Variants in FYB1 observed in about 807,000 individuals in gnomAD.
FYB1 encodes FYN-binding protein 1.
A neutral mutation model predicts 94.1 loss-of-function variants in FYB1; 41 were observed. That is an observed-to-expected ratio of 0.44 (90% CI 0.34 to 0.57). The LOEUF (loss-of-function observed/expected upper bound fraction) is 0.57, where lower values mean the gene tolerates loss of function less well. FYB1 is among the 20% of genes least tolerant of loss of function. FYB1 has a pLI of 0.02. For synonymous variants in FYB1, 367 were observed against 353.2 expected (o/e 1.04, Z -0.44); for missense variants, 1,050 against 976.8 (o/e 1.07, Z -1.00).
In FYB1 at chr5:39,173,429, C is replaced by T. The variant is rs1745436434; in HGVS notation, c.1136-19825G>A. 2.0e-5 allele frequency among the ~76,000 whole-genome samples: 3 copies of T among 152,244 alleles called. No homozygotes were observed. The South Asian group carries it at 6.2e-4, about 32-fold the overall frequency. Reference sequence around the variant, plus strand: ...GGAAATTTCCTTTGCTGTGCAGAGGCTCTTTAATTAGGTCTCACTTGTCTG... The same window carrying T: ...GGAAATTTCCTTTGCTGTGCAGAGGTTCTTTAATTAGGTCTCACTTGTCTG... On this transcript the variant is annotated intron_variant, in intron 2 of 18. Transcript: ENST00000512982.
At chr5:39,176,826 T>A (rs976906918) in intron 2 of FYB1, among the ~76,000 whole-genome samples, 2 of 152,202 alleles carry the variant, frequency 1.3e-5, no homozygotes, top group African/African-American at 4.8e-5. Context: ...TTGGTGTGGC[T>A]CCTCAAGCCC....
Position 39,130,612 on chromosome 5 carries a change from G to T in FYB1, c.1818C>A (p.Ser606Arg), listed in dbSNP as rs1465105611. ...TACCTCCACTTCCACTCTGACTGTGGCTAGAAAAGAAACCCAGAAATATTA... is the reference window on the plus strand; with the variant it reads ...TACCTCCACTTCCACTCTGACTGTGTCTAGAAAAGAAACCCAGAAATATTA... ...DDVAEQDDIS[S>R]HSQSGSGGIF... Residue 606 changes from serine (S) to arginine (R), a missense_variant and splice_region_variant, in exon 10 of 19, where the codon AGC becomes AGA. Coordinates refer to ENST00000512982, the MANE Select transcript of FYB1 (RefSeq NM_001465.6). 6.4e-7 allele frequency: 1 copy of T among 1,572,664 alleles called. No homozygotes were observed. Among genetic ancestry groups the T allele is most frequent in the African/African-American group, 1.3e-5 (1 of 74,222 alleles).
chr5:39,135,109 T>C, intron 7 of FYB1, 95 bp from the exon 8 acceptor site: 1 of 1,328,324 alleles, frequency 7.5e-7, no homozygotes, highest in Admixed American at 2.1e-5. Flanking sequence ...TACAACTTGC[T>C]AAGCTACCTA....
chr5:39,236,926 C>T (rs1271015169), intron 1 of FYB1, among the ~76,000 whole-genome samples: 1 of 152,104 alleles, frequency 6.6e-6, no homozygotes, highest in African/African-American at 2.4e-5. Context: ...CTTAAGACTA[C>T]AAGACTACTC....
At chr5:39,239,287 A>G (rs558543570) in intron 1 of FYB1, among the ~76,000 whole-genome samples, 1 of 152,268 alleles carries the variant, frequency 6.6e-6, no homozygotes, top group South Asian at 2.1e-4. Flanking sequence ...CTCCTATTCA[A>G]CATAGTACTG....
intron 1 of FYB1, among the ~76,000 whole-genome samples, chr5:39,211,967 A>G (rs1170375683): frequency 6.6e-6 from 1 of 152,182 alleles, no homozygotes; most frequent in Non-Finnish European, 1.5e-5. Flanking sequence ...GATCTGTGTG[A>G]AAACTGCTAA....
chr5:39,251,745 TA>T (rs1333931448), intron 1 of FYB1, among the ~76,000 whole-genome samples: 1 of 152,000 alleles, frequency 6.6e-6, no homozygotes, highest in Non-Finnish European at 1.5e-5. Flanking sequence ...AGGACATCAG[TA>T]AATGTTGTGA....
chr5:39,202,181 A>G lies in FYB1; in HGVS notation c.780T>C (p.Pro260=), dbSNP rs551658986. The stretch of plus-strand genomic sequence containing the variant: ...TCGCAGCAGGTTTCAAAACCACTCC[A>G]GGAAAGGGCAAACTTGAAATCTCCC... The part of the protein sequence containing the change: ...HAGEISSLPF[P]GVVLKPAASR... Residue 260 remains proline (P), a synonymous_variant, in exon 2 of 19, where the codon CCT becomes CCC. Transcript: ENST00000512982. The G allele has an allele frequency of 3.7e-6, 6 of 1,614,022 alleles. No individual in the cohort carries two copies. In the Admixed American group the frequency reaches 1.0e-4, roughly 27 times the overall value.
At chr5:39,110,446 T>C in intron 16 of FYB1, 57 bp from the exon 17 acceptor site, 1 of 1,153,680 alleles carries the variant, frequency 8.7e-7, no homozygotes, top group Admixed American at 1.9e-5. Context: ...AAATCTTTAG[T>C]ACTTTTTTCA....
intron 1 of FYB1, among the ~76,000 whole-genome samples, chr5:39,225,563 C>A (rs1438873375): frequency 6.6e-6 from 1 of 152,068 alleles, no homozygotes. Flanking sequence ...TGATGCTGCC[C>A]AATTCATGAA....
At chr5:39,119,731 T>C in intron 14 of FYB1, 97 bp from the exon 15 acceptor site, 3 of 1,276,920 alleles carry the variant, frequency 2.3e-6, no homozygotes, top group Non-Finnish European at 3.0e-6. Context: ...ATTTTTAACT[T>C]TTTGTTTCAG....
intron 16 of FYB1, among the ~76,000 whole-genome samples, chr5:39,117,900 T>C (rs1739721073): frequency 6.6e-6 from 1 of 152,150 alleles, no homozygotes. Context: ...TAATTTTTTC[T>C]GTTTGTTTGT....
At chr5:39,130,735 T>A in intron 9 of FYB1, 123 bp from the exon 10 acceptor site, 1 of 754,784 alleles carries the variant, frequency 1.3e-6, no homozygotes, top group Non-Finnish European at 2.2e-6. Context: ...GTTCTTAGAA[T>A]GCTATATGTA....
Position 39,175,823 on chromosome 5 carries a change from A to G in FYB1, c.1136-22219T>C, listed in dbSNP as rs570901824. Among the ~76,000 whole-genome samples the G allele has an allele frequency of 2.0e-5, 3 of 152,262 alleles. No homozygotes were observed. In the East Asian group the frequency reaches 5.8e-4, roughly 29 times the overall value. ...GGAAGGGGTTGCTTTTGGTCATTAC[A>G]ATAGTGAATAACCTAGTGAATGCTA... On this transcript the variant is annotated intron_variant, in intron 2 of 18. Coordinates refer to ENST00000512982, the MANE Select transcript of FYB1 (RefSeq NM_001465.6).
At chr5:39,221,934 G>A (rs143858232), upstream of FYB1, among the ~76,000 whole-genome samples, 1,135 of 152,176 alleles carry the variant, frequency 7.5e-3, 14 homozygotes, top group Non-Finnish European at 0.011. Flanking sequence ...AAAGGAGGCG[G>A]AGGTTGCAGT....
At chr5:39,172,143 C>T (rs893146834) in intron 2 of FYB1, among the ~76,000 whole-genome samples, 1 of 152,088 alleles carries the variant, frequency 6.6e-6, no homozygotes, top group Non-Finnish European at 1.5e-5. Context: ...GGATAGAATC[C>T]CTTTTTAAAA....
intron 1 of FYB1, among the ~76,000 whole-genome samples, chr5:39,215,763 A>G (rs764159205): frequency 3.9e-5 from 6 of 152,208 alleles, no homozygotes; most frequent in Non-Finnish European, 7.3e-5. Context: ...TGGAATGCAG[A>G]TGTTGGTTGC....
chr5:39,206,848 T>C (rs1748904890), intron 1 of FYB1, among the ~76,000 whole-genome samples: 1 of 152,196 alleles, frequency 6.6e-6, no homozygotes, highest in Non-Finnish European at 1.5e-5. Context: ...TCTCCCACTT[T>C]TCACACAGAT....
chr5:39,214,339 C>A (rs1657003176), intron 1 of FYB1, among the ~76,000 whole-genome samples: 1 of 152,108 alleles, frequency 6.6e-6, no homozygotes, highest in Non-Finnish European at 1.5e-5. Context: ...GGTGGTTATT[C>A]AAAAAATTAA....
Sources: gnomAD v4.1 joint callset for allele counts (sites outside exome capture counted in the v4.1 genomes callset) on GRCh38, gnomAD v4.1.1 for gene constraint, MANE v1.5 for transcripts, NCBI Gene and HGNC (gene_info 2026-07-23, HGNC 2026-07-21) for gene names.